Variants in TANC1 observed in about 807,000 individuals in gnomAD.
TANC1 encodes the protein tetratricopeptide repeat, ankyrin repeat and coiled-coil containing 1, also known as protein TANC1.
In TANC1, 77 loss-of-function variants were observed where a neutral mutation model predicts 149.7. That is an observed-to-expected ratio of 0.51 (90% CI 0.43 to 0.62). The LOEUF (loss-of-function observed/expected upper bound fraction) is 0.62. Among genes scored for constraint, TANC1 ranks in the 20% least tolerant of loss-of-function variants. The probability of loss-of-function intolerance (pLI) is 0.00; values close to 1 mark genes in which losing one functional copy is unlikely to be tolerated. For synonymous variants in TANC1, 854 were observed against 925.0 expected (o/e 0.92, Z 1.39); for missense variants, 1,985 against 2,321.8 (o/e 0.85, Z 2.98).
At chr2:159,213,356 A>G (rs1194759328) in intron 19 of TANC1, among the ~76,000 whole-genome samples, 1 of 151,742 alleles carries the variant, frequency 6.6e-6, no homozygotes, top group East Asian at 1.9e-4. Flanking sequence ...GTTTGTGTAG[A>G]TTCTCAGAGT....
Position 159,225,712 on chromosome 2 carries a change from C to T in TANC1, c.3836C>T (p.Thr1279Ile). Residue 1279 changes from threonine (T) to isoleucine (I), a missense_variant, in exon 24 of 27, where the codon ACT becomes ATT. Thr to Ile is a moderately conservative substitution (Grantham distance 89). Around this residue, in one of 3 missense-constraint regions of TANC1, gnomAD observed 920 missense variants for 994.7 expected, o/e 0.92. Coordinates refer to ENST00000263635, the MANE Select transcript of TANC1 (RefSeq NM_033394.3). ...GGAAATGCTGCTTGGGCGATGGCCA[C>T]TTCCAAACCTGATATCTTGATTATA... ...KLGNAAWAMA[T>I]SKPDILIILL... The T allele has an allele frequency of 1.2e-6, 2 of 1,614,136 alleles. No individual in the cohort carries two copies. The highest frequency in any genetic ancestry group is 1.7e-6 in the Non-Finnish European group (2 of 1,179,988).
chr2:159,208,498 C>T (rs116022955), intron 19 of TANC1, among the ~76,000 whole-genome samples: 1,569 of 152,310 alleles, frequency 0.01, 35 homozygotes, highest in African/African-American at 0.036. Context: ...GAGTTTGTAA[C>T]ATGGTCAGGA....
rs575034378 is a variant in TANC1, at chr2:159,111,380, T to C, written c.259+13546T>C. Among the ~76,000 whole-genome samples the C allele has an allele frequency of 9.2e-5, 14 of 152,314 alleles. No homozygotes were observed. In the South Asian group the frequency reaches 2.9e-3, roughly 32 times the overall value. The stretch of plus-strand genomic sequence containing the variant: ...CAACACAGCAGAGAAACACAGGTGC[T>C]CCTTACACAGGTAAGTGATAAAGTC... On this transcript the variant is annotated intron_variant, in intron 4 of 26. Coordinates refer to ENST00000263635, the MANE Select transcript of TANC1 (RefSeq NM_033394.3).
intron 7 of TANC1, among the ~76,000 whole-genome samples, chr2:159,161,961 C>T (rs893218648): frequency 2.0e-5 from 3 of 152,182 alleles, no homozygotes; most frequent in African/African-American, 7.2e-5. Flanking sequence ...AAAAGATAGC[C>T]ATGGATACTC....
intron 3 of TANC1, among the ~76,000 whole-genome samples, chr2:159,084,480 G>A (rs776083059): frequency 6.6e-6 from 1 of 152,066 alleles, no homozygotes; most frequent in Non-Finnish European, 1.5e-5. Context: ...AAATGATCCC[G>A]TTTTCCTTGT....
At chr2:159,128,423 C>T (rs2049717416) in intron 4 of TANC1, among the ~76,000 whole-genome samples, 1 of 152,194 alleles carries the variant, frequency 6.6e-6, no homozygotes, top group Non-Finnish European at 1.5e-5. Flanking sequence ...AGTTTAGTTA[C>T]TTAATCCCCT....
intron 2 of TANC1, among the ~76,000 whole-genome samples, chr2:159,018,616 A>G (rs1466045570): frequency 6.6e-6 from 1 of 152,206 alleles, no homozygotes; most frequent in Non-Finnish European, 1.5e-5. Context: ...CACCCCAAAG[A>G]GAAATTCTGT....
intron 2 of TANC1, among the ~76,000 whole-genome samples, chr2:159,042,782 A>G (rs2040756163): frequency 6.6e-6 from 1 of 151,774 alleles, no homozygotes; most frequent in Non-Finnish European, 1.5e-5. Context: ...TGTGAAGTTG[A>G]GTGGTGTGTT....
intron 13 of TANC1, among the ~76,000 whole-genome samples, chr2:159,177,310 T>C (rs183484290): frequency 1.2e-3 from 182 of 152,278 alleles, no homozygotes; most frequent in Admixed American, 4.8e-3. Context: ...GATTTTTTTT[T>C]TCTCCTCCAT....
chr2:159,222,415 C>T (rs1427304593), intron 22 of TANC1, among the ~76,000 whole-genome samples: 3 of 152,208 alleles, frequency 2.0e-5, no homozygotes, highest in African/African-American at 7.2e-5. Context: ...CAGCCCATCA[C>T]AGCCACCACT....
rs1417405710 is a variant in TANC1, at chr2:159,150,547, G to A, written c.673G>A (p.Gly225Arg). ...TTCCACCCTGGAAAGCAAGGACAGT[G>A]GAATTATAGGTAAGAAGCACACTGC... is the stretch of plus-strand genomic sequence containing the variant. Reference protein sequence around the residue: ...PSSTLESKDSGIIATITSSSE... With the variant: ...PSSTLESKDSRIIATITSSSE... Residue 225 changes from glycine (G) to arginine (R), a missense_variant, in exon 7 of 27, where the codon GGA becomes AGA. Around this residue, in one of 3 missense-constraint regions of TANC1, gnomAD observed 557 missense variants for 612.9 expected, o/e 0.91. Coordinates refer to ENST00000263635, the MANE Select transcript of TANC1 (RefSeq NM_033394.3). The A allele has an allele frequency of 6.2e-7, 1 of 1,613,178 alleles. No individual in the cohort carries two copies. The highest frequency in any genetic ancestry group is 8.5e-7 in the Non-Finnish European group (1 of 1,179,186).
At chr2:159,062,753 G>A (rs1259905433) in intron 2 of TANC1, among the ~76,000 whole-genome samples, 5 of 151,108 alleles carry the variant, frequency 3.3e-5, no homozygotes, top group Non-Finnish European at 7.4e-5. Context: ...GGATCATGAG[G>A]TCAGGAGATC....
chr2:159,002,344 C>T (rs1350770942), intron 2 of TANC1, among the ~76,000 whole-genome samples: 2 of 152,098 alleles, frequency 1.3e-5, no homozygotes, highest in South Asian at 2.1e-4. Context: ...GGTGCATGAA[C>T]GTAGGGAGGG....
In TANC1 at chr2:159,230,775, A is replaced by G; in HGVS notation, c.5349A>G (p.Lys1783=). The change falls in exon 27 of 27, where the codon AAA becomes AAG. Residue 1783 remains lysine, a synonymous_variant. Transcript: ENST00000263635. The surrounding 1 kb of genome is among the most constrained non-coding windows in gnomAD (Gnocchi z 4.4). ...TGGGAGGATATAATAACCAAGCCAA[A>G]ACCTGTTCTGTTTCTACCCTGAGTG... is the stretch of plus-strand genomic sequence containing the variant. ...MQVGGYNNQA[K]TCSVSTLSAS... 6.2e-7 allele frequency: 1 copy of G among 1,614,196 alleles called. No homozygotes were observed. The highest frequency in any genetic ancestry group is 8.5e-7 in the Non-Finnish European group (1 of 1,180,030).
intron 5 of TANC1, among the ~76,000 whole-genome samples, chr2:159,142,914 C>G (rs1462980014): frequency 7.3e-5 from 11 of 151,670 alleles, no homozygotes; most frequent in Non-Finnish European, 1.5e-5. Context: ...AAATACAAAA[C>G]TAACTGGGCA....
chr2:159,050,643 A>G (rs1361026153), intron 2 of TANC1, among the ~76,000 whole-genome samples: 3 of 152,236 alleles, frequency 2.0e-5, no homozygotes, highest in African/African-American at 7.2e-5. Context: ...TTATCTGTCA[A>G]AAGAGGATAA....
intron 13 of TANC1, among the ~76,000 whole-genome samples, chr2:159,177,013 G>A (rs1001754551): frequency 6.8e-6 from 1 of 146,430 alleles, no homozygotes; most frequent in Non-Finnish European, 1.5e-5. Flanking sequence ...TGGTTCCAGT[G>A]ATTCTCCTGC....
At chr2:159,107,809 A>C (rs1285591091) in intron 4 of TANC1, among the ~76,000 whole-genome samples, 1 of 152,100 alleles carries the variant, frequency 6.6e-6, no homozygotes, top group Non-Finnish European at 1.5e-5. Flanking sequence ...GTGAGAAGTA[A>C]TATCCTTTTG....
At position 158,986,393 on chromosome 2, in the gene TANC1, C is replaced by T. The variant is rs142886020; in HGVS notation, c.-125-14687C>T. Among the ~76,000 whole-genome samples the T allele has an allele frequency of 3.6e-3, 544 of 152,226 alleles. 6 individuals are homozygous for T. The highest frequency in any genetic ancestry group is 0.012 in the African/African-American group (501 of 41,538). On this transcript the variant is annotated intron_variant, in intron 1 of 26. Transcript: ENST00000263635. ...GGATACCCAGTTGGAAATGCCCAGT[C>T]GGTGGTTGGAAATTTGGCATTCCTG... is the stretch of plus-strand genomic sequence containing the variant.
Sources: gnomAD v4.1 joint callset for allele counts (sites outside exome capture counted in the v4.1 genomes callset) on GRCh38, gnomAD v4.1.1 for gene constraint, gnomAD v4.1.1 regional missense constraint, Gnocchi (gnomAD v3.1) non-coding constraint, MANE v1.5 for transcripts, NCBI Gene and HGNC (gene_info 2026-07-23, HGNC 2026-07-21) for gene names.